Variants in AUTS2 observed in about 807,000 individuals in gnomAD.
AUTS2 encodes activator of transcription and developmental regulator AUTS2, also known as autism susceptibility gene 2 protein.
Under a neutral mutation model 112.4 loss-of-function variants are expected in AUTS2, and 17 were observed. That is an observed-to-expected ratio of 0.15 (90% CI 0.10 to 0.23). The LOEUF is 0.23. AUTS2 is among the 10% of genes least tolerant of loss of function. The pLI is 1.00. For synonymous variants in AUTS2, 751 were observed against 702.7 expected, an observed-to-expected ratio of 1.07 and a Z score of -1.09; for missense variants, 1,510 against 1,701.6, an observed-to-expected ratio of 0.89 and a Z score of 1.98.
At chr7:69,645,861 T>TA (rs1414592696) in intron 1 of AUTS2, among the ~76,000 whole-genome samples, 2 of 151,926 alleles carry the variant, frequency 1.3e-5, no homozygotes, top group African/African-American at 4.8e-5. Context: ...TGGCAACAGA[T>TA]AAATACCAAC....
chr7:70,698,803 A>T (rs999772030), intron 6 of AUTS2, 183 bp downstream of exon 6: 17 of 481,818 alleles, frequency 3.5e-5, no homozygotes, highest in Non-Finnish European at 5.8e-5. Flanking sequence ...ATTAACAACC[A>T]GTTTATTTTA....
At chr7:70,623,817 C>G (rs1415936007) in intron 5 of AUTS2, among the ~76,000 whole-genome samples, 1 of 152,212 alleles carries the variant, frequency 6.6e-6, no homozygotes, top group African/African-American at 2.4e-5. Flanking sequence ...GCCATTCTGG[C>G]CCTCCAAAAT....
At chr7:69,816,453 T>A (rs1292484149) in intron 1 of AUTS2, among the ~76,000 whole-genome samples, 1 of 152,134 alleles carries the variant, frequency 6.6e-6, no homozygotes, top group Non-Finnish European at 1.5e-5. Flanking sequence ...GAAACGAAGG[T>A]TGGCTTCACA....
intron 5 of AUTS2, among the ~76,000 whole-genome samples, chr7:70,589,617 G>A (rs1802843856): frequency 6.6e-6 from 1 of 152,214 alleles, no homozygotes; most frequent in Admixed American, 6.5e-5. Context: ...AGAAGGCTGA[G>A]GCAGGAGAAT....
chr7:70,130,996 G>A (rs1357479132), intron 3 of AUTS2, among the ~76,000 whole-genome samples: 1 of 152,044 alleles, frequency 6.6e-6, no homozygotes, highest in Non-Finnish European at 1.5e-5. Context: ...TTGAAACCAA[G>A]GAAACTTCTG....
chr7:70,510,941 C>T (rs1162340040), intron 5 of AUTS2, among the ~76,000 whole-genome samples: 1 of 152,056 alleles, frequency 6.6e-6, no homozygotes, highest in Non-Finnish European at 1.5e-5. Context: ...CTCCACCTCC[C>T]GGGTTCAAGT....
At chr7:69,901,736 A>G (rs898858417) in intron 2 of AUTS2, among the ~76,000 whole-genome samples, 4 of 152,244 alleles carry the variant, frequency 2.6e-5, no homozygotes, top group Admixed American at 6.5e-5. Flanking sequence ...ATGTTATCCA[A>G]TCAAGTGTTA....
chr7:70,251,114 G>A (rs1786572680), intron 4 of AUTS2, among the ~76,000 whole-genome samples: 1 of 151,828 alleles, frequency 6.6e-6, no homozygotes, highest in Non-Finnish European at 1.5e-5. Context: ...GCTTGGGCTG[G>A]AGTGCACTGG....
At chr7:69,995,375 T>G (rs1300318355) in intron 2 of AUTS2, among the ~76,000 whole-genome samples, 1 of 152,206 alleles carries the variant, frequency 6.6e-6, no homozygotes, top group East Asian at 1.9e-4. Flanking sequence ...GAATGCTGAC[T>G]TAATGCTTTA....
chr7:69,788,334 C>T (rs1395505319), intron 1 of AUTS2, among the ~76,000 whole-genome samples: 2 of 152,074 alleles, frequency 1.3e-5, no homozygotes, highest in African/African-American at 4.8e-5. Flanking sequence ...ATTAATTCAG[C>T]CCTATGAAAG....
chr7:69,872,272 T>TA (rs1256846607), intron 1 of AUTS2, among the ~76,000 whole-genome samples: 1 of 152,242 alleles, frequency 6.6e-6, no homozygotes, highest in Non-Finnish European at 1.5e-5. Context: ...AATTATCTCT[T>TA]ACGTTCCTTG....
intron 3 of AUTS2, among the ~76,000 whole-genome samples, chr7:70,130,627 A>C (rs771983265): frequency 6.6e-6 from 1 of 152,140 alleles, no homozygotes; most frequent in Non-Finnish European, 1.5e-5. Flanking sequence ...TCTCCTTTAC[A>C]ATATAATGAG....
chr7:70,495,711 ACCC>A (rs1798439899), intron 5 of AUTS2, among the ~76,000 whole-genome samples: 1 of 80,604 alleles, frequency 1.2e-5, no homozygotes, highest in Non-Finnish European at 2.5e-5. Flanking sequence ...ACACACACAC[ACCC>A]CACACATGCA....
At chr7:70,270,526 G>A (rs1247793513) in intron 4 of AUTS2, among the ~76,000 whole-genome samples, 1 of 152,120 alleles carries the variant, frequency 6.6e-6, no homozygotes, top group African/African-American at 2.4e-5. Flanking sequence ...TAAGACCCTT[G>A]TACAGTATAC....
At chr7:70,570,189 G>A (rs1047967726) in intron 5 of AUTS2, among the ~76,000 whole-genome samples, 4 of 152,172 alleles carry the variant, frequency 2.6e-5, no homozygotes, top group Non-Finnish European at 5.9e-5. Flanking sequence ...CCTAGAAAGA[G>A]GTAAGTTATG....
At chr7:70,771,682 C>CT in intron 11 of AUTS2, 38 bp downstream of exon 11, 3 of 1,574,530 alleles carry the variant, frequency 1.9e-6, no homozygotes, top group Non-Finnish European at 2.6e-6. Flanking sequence ...AGGCATGTGT[C>CT]TAAGTGGCGT....
chr7:70,253,768 G>A (rs937952529), intron 4 of AUTS2, among the ~76,000 whole-genome samples: 5 of 151,152 alleles, frequency 3.3e-5, no homozygotes, highest in African/African-American at 9.7e-5. Context: ...TTTTTCTGCC[G>A]GCAATACTAT....
intron 5 of AUTS2, among the ~76,000 whole-genome samples, chr7:70,470,284 CCAA>C (rs1797329487): frequency 6.6e-6 from 1 of 152,162 alleles, no homozygotes. Context: ...CCAGCCCCAA[CCAA>C]CAGAGAAAGG....
intron 4 of AUTS2, among the ~76,000 whole-genome samples, chr7:70,282,556 C>T (rs1326013053): frequency 6.6e-6 from 1 of 152,128 alleles, no homozygotes; most frequent in Non-Finnish European, 1.5e-5. Context: ...CACTAATTCA[C>T]TCATGAAGGC....
Sources: allele counts gnomAD v4.1 joint callset (sites outside exome capture counted in the v4.1 genomes callset), GRCh38; gene constraint gnomAD v4.1.1; transcripts MANE v1.5; gene names NCBI Gene and HGNC (gene_info 2026-07-23, HGNC 2026-07-21).